Variants in ATP13A4 observed in about 807,000 individuals in gnomAD.
The protein encoded by ATP13A4 is ATPase 13A4.
In ATP13A4, 114 loss-of-function variants were observed where a neutral mutation model predicts 142.5. The ratio of observed to expected loss-of-function variants is 0.80; its 90% CI spans 0.69 to 0.93. The LOEUF is 0.93. Ranked by LOEUF, ATP13A4 falls within the 40% of genes least tolerant of loss-of-function variation. The probability of loss-of-function intolerance (pLI) is 0.00; values close to 1 mark genes in which losing one functional copy is unlikely to be tolerated. For synonymous variants in ATP13A4, 488 were observed against 514.8 expected, an observed-to-expected ratio of 0.95 and a Z score of 0.70; for missense variants, 1,392 against 1,454.0, an observed-to-expected ratio of 0.96 and a Z score of 0.69.
At chr3:193,590,067 C>T (rs1291983885) in intron 1 of ATP13A4, among the ~76,000 whole-genome samples, 17 of 151,720 alleles carry the variant, frequency 1.1e-4, no homozygotes, top group Admixed American at 9.2e-4. Context: ...GCAGGTTCTT[C>T]CTGCTCACTG....
intron 25 of ATP13A4, among the ~76,000 whole-genome samples, chr3:193,417,985 A>C (rs1352819998): frequency 8.4e-5 from 12 of 143,664 alleles, no homozygotes; most frequent in Non-Finnish European, 1.7e-4. Flanking sequence ...AGCCGGGCGT[A>C]GTGGCGGGCG....
At position 193,414,671 on chromosome 3, in the gene ATP13A4, A is replaced by G. The variant is rs1714959840; in HGVS notation, c.2922T>C (p.Ser974=). The G allele has an allele frequency of 1.9e-6, 3 of 1,614,064 alleles. No individual in the cohort carries two copies. The highest frequency in any genetic ancestry group is 3.3e-5 in the Admixed American group (2 of 59,980). The part of the protein sequence containing the change: ...GRLISPPLLL[S]VIFNILLSLA... ...GGCTGAGAAGAATGTTGAAAATCAC[A>G]GAGAGTAGCAGAGGTGGAGAGATCA... Residue 974 remains serine, a synonymous_variant, in exon 26 of 30, where the codon TCT becomes TCC. Transcript: ENST00000342695.
At chr3:193,434,589 A>T (rs917633071) in intron 24 of ATP13A4, among the ~76,000 whole-genome samples, 1 of 152,178 alleles carries the variant, frequency 6.6e-6, no homozygotes, top group African/African-American at 2.4e-5. Context: ...TAGCCCATTT[A>T]TCAGTGAGTA....
intron 10 of ATP13A4, 48 bp from the exon 11 acceptor site, chr3:193,466,230 T>C: frequency 6.2e-7 from 1 of 1,609,416 alleles, no homozygotes; most frequent in Non-Finnish European, 8.5e-7. Flanking sequence ...CCAACGCTAC[T>C]GCTAGCTCTT....
At position 193,457,041 on chromosome 3, in the gene ATP13A4, C is replaced by A. The variant is rs1717658328; in HGVS notation, c.1874G>T (p.Gly625Val). 1 of 1,614,142 alleles carries A rather than the reference C, an allele frequency of 6.2e-7. No individual in the cohort carries two copies. Among genetic ancestry groups the A allele is most frequent in the Non-Finnish European group, 8.5e-7 (1 of 1,180,022 alleles). The change falls in exon 16 of 30, where the codon GGT becomes GTT. Residue 625 changes from glycine (G) to valine (V), a missense_variant. Transcript: ENST00000342695. Reference sequence around the variant, plus strand: ...AAAGCTGGCCACCCTCTCTGGTGCACCTTTCATGAATGCCAGTCGGTCACC... The same window carrying A: ...AAAGCTGGCCACCCTCTCTGGTGCAACTTTCATGAATGCCAGTCGGTCACC... The part of the protein sequence containing the change: ...MGGDRLAFMK[G>V]APERVASFCQ...
chr3:193,548,992 T>C (rs1723385773), intron 1 of ATP13A4, among the ~76,000 whole-genome samples: 4 of 152,114 alleles, frequency 2.6e-5, no homozygotes, highest in African/African-American at 9.7e-5. Flanking sequence ...CAACTTCAAA[T>C]CAAGGAAATG....
intron 1 of ATP13A4, 62 bp from the exon 2 acceptor site, chr3:193,514,933 A>C: frequency 1.3e-6 from 2 of 1,562,212 alleles, no homozygotes; most frequent in Non-Finnish European, 1.8e-6. Context: ...AAATGAACAA[A>C]TACTGATTTT....
At chr3:193,506,743 T>A (rs567701095) in intron 2 of ATP13A4, among the ~76,000 whole-genome samples, 10 of 152,302 alleles carry the variant, frequency 6.6e-5, no homozygotes, top group Non-Finnish European at 1.3e-4. Flanking sequence ...TATCACGAGC[T>A]CTGATGGCTT....
chr3:193,434,220 C>G (rs1257235083), intron 24 of ATP13A4, among the ~76,000 whole-genome samples: 1 of 152,110 alleles, frequency 6.6e-6, no homozygotes, highest in Non-Finnish European at 1.5e-5. Context: ...TCTCTGCTCT[C>G]TTTTCTACTT....
intron 18 of ATP13A4, among the ~76,000 whole-genome samples, chr3:193,443,718 C>T (rs1716787378): frequency 6.6e-6 from 1 of 152,000 alleles, no homozygotes; most frequent in Admixed American, 6.5e-5. Context: ...ATTAAAAGCC[C>T]CCTTCATGTG....
intron 2 of ATP13A4, among the ~76,000 whole-genome samples, chr3:193,574,462 T>C (rs1224826947): frequency 6.6e-6 from 1 of 152,244 alleles, no homozygotes; most frequent in Non-Finnish European, 1.5e-5. Flanking sequence ...CTCACTCCTG[T>C]AATCCCAGCA....
chr3:193,574,333 C>G (rs1724350001), intron 2 of ATP13A4, among the ~76,000 whole-genome samples: 2 of 152,208 alleles, frequency 1.3e-5, no homozygotes, highest in Admixed American at 1.3e-4. Flanking sequence ...ATCTTTGACC[C>G]TACTGATCAC....
chr3:193,459,804 A>G (rs1349138291), intron 13 of ATP13A4, among the ~76,000 whole-genome samples: 1 of 152,116 alleles, frequency 6.6e-6, no homozygotes, highest in Non-Finnish European at 1.5e-5. Context: ...TCCATATCCC[A>G]ACCATTATCC....
rs952287521 is a variant in ATP13A4 at position 193,514,787 on chromosome 3, C to T, written c.145G>A (p.Val49Met). The T allele has an allele frequency of 3.7e-6, 6 of 1,614,036 alleles. No individual in the cohort carries two copies. Among genetic ancestry groups the T allele is most frequent in the Non-Finnish European group, 5.1e-6 (6 of 1,180,040 alleles). The change falls in exon 2 of 30, where the codon GTG becomes ATG. Residue 49 changes from valine to methionine, a missense_variant. Physicochemically the swap from Val to Met is conservative, Grantham distance 21 (BLOSUM62 1). Transcript: ENST00000342695. ...SIFSFGILPL[V>M]FYWRPAWHVW... ...TGCCATGCTGGTCTCCAGTAAAACACCAAGGGGAGGATTCCAAATGAGAAG... is the reference window on the plus strand; with the variant it reads ...TGCCATGCTGGTCTCCAGTAAAACATCAAGGGGAGGATTCCAAATGAGAAG...
intron 20 of ATP13A4, 125 bp from the exon 21 acceptor site, chr3:193,440,762 T>C: frequency 1.0e-6 from 1 of 1,004,674 alleles, no homozygotes; most frequent in Non-Finnish European, 1.5e-6. Context: ...AAGTTTCCAA[T>C]GAGCCTTCCT....
chr3:193,517,504 G>A (rs1291783932), intron 1 of ATP13A4, among the ~76,000 whole-genome samples: 3 of 152,236 alleles, frequency 2.0e-5, no homozygotes, highest in African/African-American at 4.8e-5. Flanking sequence ...ATTTTGAGAC[G>A]GAGTTTCGCT....
intron 18 of ATP13A4, among the ~76,000 whole-genome samples, chr3:193,444,696 G>C (rs1050312572): frequency 2.0e-5 from 3 of 152,174 alleles, no homozygotes; most frequent in East Asian, 3.8e-4. Context: ...TGGTTATAAG[G>C]CTTCTTGAAA....
At chr3:193,589,860 A>T (rs540787040) in intron 1 of ATP13A4, among the ~76,000 whole-genome samples, 14 of 151,998 alleles carry the variant, frequency 9.2e-5, no homozygotes, top group Non-Finnish European at 1.9e-4. Context: ...ATAAATGAGT[A>T]ATGCAAGTAT....
At chr3:193,452,373 G>C (rs1717329375) in intron 17 of ATP13A4, among the ~76,000 whole-genome samples, 1 of 152,074 alleles carries the variant, frequency 6.6e-6, no homozygotes, top group Non-Finnish European at 1.5e-5. Flanking sequence ...CAAATATACA[G>C]AATTGTAGTA....
Sources: allele counts gnomAD v4.1 joint callset (sites outside exome capture counted in the v4.1 genomes callset), GRCh38; gene constraint gnomAD v4.1.1; transcripts MANE v1.5; gene names NCBI Gene and HGNC (gene_info 2026-07-23, HGNC 2026-07-21).